The following PRR16 variants were observed in gnomAD, a reference collection of about 807,000 sequenced individuals.
PRR16 encodes the protein protein Largen.
In PRR16, 6 loss-of-function variants were observed where a neutral mutation model predicts 18.2. That is an observed-to-expected ratio of 0.33 (90% CI 0.18 to 0.65). The LOEUF is 0.65. Ranked by LOEUF, PRR16 falls within the 30% of genes least tolerant of loss-of-function variation. PRR16 has a pLI of 0.74. For synonymous variants in PRR16, 151 were observed against 147.8 expected (o/e 1.02, Z -0.16); for missense variants, 412 against 376.6 (o/e 1.09, Z -0.78).
chr5:120,686,742 T>C lies in PRR16; in HGVS notation c.*33T>C. 2.2e-6 allele frequency: 3 copies of C among 1,378,434 alleles called. No homozygotes were observed. The highest frequency in any genetic ancestry group is 1.9e-6 in the Non-Finnish European group (2 of 1,048,038). 85.4% of individuals were successfully genotyped at this position (1,378,434 alleles called of 1,614,324 possible). A position where few individuals can be genotyped will look rare whatever the true frequency, so the allele number is the denominator to read the frequency against. ...CATTAAAAAAATTGTTTTTTTAATT[T>C]TCTATATTATAAACATAAAATAAGT... On this transcript the variant is annotated 3_prime_UTR_variant, in exon 2 of 2. Coordinates refer to ENST00000407149, the MANE Select transcript of PRR16 (RefSeq NM_001300783.2).
At chr5:120,681,850 C>CT (rs1231502807) in intron 1 of PRR16, among the ~76,000 whole-genome samples, 1 of 152,108 alleles carries the variant, frequency 6.6e-6, no homozygotes, top group African/African-American at 2.4e-5. Flanking sequence ...TTGGTGTTCC[C>CT]TTTTTTGTGG....
At chr5:120,770,893 C>T in the PRR16 span, among the ~76,000 whole-genome samples, 2 of 148,984 alleles carry the variant, frequency 1.3e-5, no homozygotes, top group South Asian at 4.2e-4. Context: ...TTCTGAATTC[C>T]CATAACTCTG....
the PRR16 span, among the ~76,000 whole-genome samples, chr5:120,727,301 A>G: frequency 6.6e-6 from 1 of 151,936 alleles, no homozygotes; most frequent in African/African-American, 2.4e-5. Context: ...TTATGGCTTC[A>G]AGTCCACTTA....
At chr5:120,651,595 C>T (rs1294493127) in intron 1 of PRR16, among the ~76,000 whole-genome samples, 8 of 152,158 alleles carry the variant, frequency 5.3e-5, no homozygotes, top group Non-Finnish European at 1.2e-4. Context: ...AATCATTTCC[C>T]CATTTCTTGT....
intron 1 of PRR16, among the ~76,000 whole-genome samples, chr5:120,673,725 G>T (rs963453857): frequency 6.6e-6 from 1 of 152,094 alleles, no homozygotes; most frequent in Non-Finnish European, 1.5e-5. Context: ...GATTGCTTGA[G>T]CTCAGGTGTT....
chr5:120,694,591 G>C, the PRR16 span, among the ~76,000 whole-genome samples: 1 of 151,638 alleles, frequency 6.6e-6, no homozygotes, highest in Non-Finnish European at 1.5e-5. Flanking sequence ...GGCTGAGGCA[G>C]GAGAATGGCG....
chr5:120,497,726 C>T (rs1476040103), intron 1 of PRR16, among the ~76,000 whole-genome samples: 1 of 151,748 alleles, frequency 6.6e-6, no homozygotes, highest in African/African-American at 2.4e-5. Context: ...TGTCTCTCCT[C>T]AGAAATGAAC....
intron 1 of PRR16, among the ~76,000 whole-genome samples, chr5:120,495,871 C>T (rs1750227385): frequency 6.6e-6 from 1 of 151,882 alleles, no homozygotes; most frequent in African/African-American, 2.4e-5. Flanking sequence ...ATATCCTTTT[C>T]TTTGCCCAAT....
At chr5:120,778,228 G>A in the PRR16 span, among the ~76,000 whole-genome samples, 1 of 152,068 alleles carries the variant, frequency 6.6e-6, no homozygotes, top group Non-Finnish European at 1.5e-5. Context: ...CTCAGGTTAA[G>A]TAAAAAATAT....
chr5:120,493,514 T>C (rs994816020), intron 1 of PRR16, among the ~76,000 whole-genome samples: 1 of 152,198 alleles, frequency 6.6e-6, no homozygotes, highest in Admixed American at 6.5e-5. Context: ...TAAGAAATGA[T>C]GCAGAGAGAT....
intron 1 of PRR16, among the ~76,000 whole-genome samples, chr5:120,657,649 T>C (rs1458308089): frequency 6.6e-6 from 1 of 151,988 alleles, no homozygotes; most frequent in African/African-American, 2.4e-5. Context: ...AAGTGGCTTC[T>C]CTTCACATAA....
the PRR16 span, among the ~76,000 whole-genome samples, chr5:120,697,219 T>A: frequency 6.6e-6 from 1 of 152,186 alleles, no homozygotes; most frequent in African/African-American, 2.4e-5. Flanking sequence ...CCTCTGAGGA[T>A]GAGGCTTTTA....
At chr5:120,645,633 T>C (rs529961622) in intron 1 of PRR16, among the ~76,000 whole-genome samples, 1 of 152,132 alleles carries the variant, frequency 6.6e-6, no homozygotes, top group East Asian at 1.9e-4. Context: ...AAAGAAAATG[T>C]TTGAAGTTGC....
chr5:120,790,531 A>C, the PRR16 span: 1 of 152,252 alleles, frequency 6.6e-6, no homozygotes, highest in African/African-American at 2.4e-5. Flanking sequence ...TGCTGTTTGC[A>C]GACAGAGAAT....
chr5:120,614,910 C>T (rs975460818), intron 1 of PRR16, among the ~76,000 whole-genome samples: 4 of 152,122 alleles, frequency 2.6e-5, no homozygotes, highest in Admixed American at 2.6e-4. Flanking sequence ...TGCTGTATTG[C>T]CCGGAGAATA....
the PRR16 span, among the ~76,000 whole-genome samples, chr5:120,784,337 G>GCTTTA: frequency 1.1e-4 from 17 of 152,218 alleles, no homozygotes; most frequent in Non-Finnish European, 1.9e-4. Flanking sequence ...CAGTGTACGA[G>GCTTTA]CTTTACTTTA....
the PRR16 span, among the ~76,000 whole-genome samples, chr5:120,747,658 G>A: frequency 6.6e-6 from 1 of 152,070 alleles, no homozygotes; most frequent in Non-Finnish European, 1.5e-5. Flanking sequence ...GACAGGCATT[G>A]CTTAGTCAAA....
intron 1 of PRR16, among the ~76,000 whole-genome samples, chr5:120,575,094 A>T (rs1753029819): frequency 7.3e-6 from 1 of 136,428 alleles, no homozygotes; most frequent in Non-Finnish European, 1.5e-5. Flanking sequence ...CTCAGAATAT[A>T]CCTTATACAT....
chr5:120,552,516 A>G (rs922418251), intron 1 of PRR16, among the ~76,000 whole-genome samples: 1 of 151,976 alleles, frequency 6.6e-6, no homozygotes, highest in Non-Finnish European at 1.5e-5. Flanking sequence ...AAACTTGCAA[A>G]TAAGAATATA....
Sources: allele counts gnomAD v4.1 joint callset (sites outside exome capture counted in the v4.1 genomes callset), GRCh38; gene constraint gnomAD v4.1.1; transcripts MANE v1.5; gene names NCBI Gene and HGNC (gene_info 2026-07-23, HGNC 2026-07-21).